ERC1: variants seen among roughly 807,000 people sequenced by gnomAD.
ERC1 encodes RAB6 interacting protein 2.
A neutral mutation model predicts 132.0 loss-of-function variants in ERC1; 56 were observed. The observed-to-expected ratio is 0.42, with a 90% CI of 0.34 to 0.53. The LOEUF is 0.53. Among genes scored for constraint, ERC1 ranks in the 20% least tolerant of loss-of-function variants. The pLI is 0.03. For synonymous variants in ERC1, 478 were observed against 476.1 expected, an observed-to-expected ratio of 1.00 and a Z score of -0.05; for missense variants, 1,202 against 1,349.9, an observed-to-expected ratio of 0.89 and a Z score of 1.72.
intron 13 of ERC1, among the ~76,000 whole-genome samples, chr12:1,249,494 G>T (rs1323344032): frequency 6.6e-6 from 1 of 152,136 alleles, no homozygotes; most frequent in Non-Finnish European, 1.5e-5. Context: ...GTTTGTTTCT[G>T]CATTGATTTG....
chr12:1,301,187 G>C (rs553956420), intron 15 of ERC1, among the ~76,000 whole-genome samples: 1 of 151,732 alleles, frequency 6.6e-6, no homozygotes, highest in African/African-American at 2.4e-5. Context: ...TAGAGACTCC[G>C]AGGGGGTGGG....
At chr12:1,139,419 A>G (rs1949661163) in intron 7 of ERC1, among the ~76,000 whole-genome samples, 2 of 152,182 alleles carry the variant, frequency 1.3e-5, no homozygotes, top group African/African-American at 4.8e-5. Flanking sequence ...GCATATTGTT[A>G]CAATTGTTCT....
At chr12:1,260,304 AT>A (rs1375376484) in intron 13 of ERC1, among the ~76,000 whole-genome samples, 1 of 152,156 alleles carries the variant, frequency 6.6e-6, no homozygotes, top group East Asian at 1.9e-4. Flanking sequence ...GTGTCTTCTG[AT>A]TTGTTGATCT....
intron 17 of ERC1, among the ~76,000 whole-genome samples, chr12:1,438,884 G>C (rs1387705648): frequency 6.6e-6 from 1 of 151,896 alleles, no homozygotes; most frequent in Non-Finnish European, 1.5e-5. Flanking sequence ...TGAGGCTTCA[G>C]TGAGCTGTGA....
chr12:1,104,309 CAG>C (rs902505859), intron 3 of ERC1, among the ~76,000 whole-genome samples: 9 of 152,120 alleles, frequency 5.9e-5, no homozygotes, highest in African/African-American at 1.9e-4. Context: ...GTTGTCAACA[CAG>C]ATTGCTTTCC....
At chr12:1,371,754 T>C (rs1338591232) in intron 15 of ERC1, 79 bp from the exon 16 acceptor site, 1 of 1,467,686 alleles carries the variant, frequency 6.8e-7, no homozygotes, top group Non-Finnish European at 9.1e-7. Context: ...ACCCTCAAAA[T>C]GGGGGTACTG....
chr12:1,003,114 A>AG (rs1962771752), intron 1 of ERC1, among the ~76,000 whole-genome samples: 2 of 131,144 alleles, frequency 1.5e-5, no homozygotes, highest in Non-Finnish European at 3.5e-5. Flanking sequence ...AAAAAAAAAA[A>AG]GACTCAAAAA....
intron 8 of ERC1, among the ~76,000 whole-genome samples, chr12:1,166,730 G>A (rs1162684107): frequency 6.6e-6 from 1 of 152,096 alleles, no homozygotes; most frequent in Non-Finnish European, 1.5e-5. Flanking sequence ...GCATTCCTGG[G>A]TAAAGATAGA....
In ERC1 at chr12:1,040,426, C is replaced by T. The variant is rs1272804566; in HGVS notation, c.669+11854C>T. Reference sequence around the variant, plus strand: ...AGTTCATGTCATTCTCCTGCCTCAGCCTCCCGAGTAGCTGAGACTACAGGC... The same window carrying T: ...AGTTCATGTCATTCTCCTGCCTCAGTCTCCCGAGTAGCTGAGACTACAGGC... On this transcript the variant is annotated intron_variant, in intron 2 of 18. Transcript: ENST00000360905. Among the ~76,000 whole-genome samples the T allele has an allele frequency of 2.0e-5, 3 of 151,388 alleles. No homozygotes were observed. The East Asian group carries it at 5.9e-4, about 30-fold the overall frequency.
At chr12:1,289,699 A>G (rs1477866130) in intron 14 of ERC1, among the ~76,000 whole-genome samples, 153 bp from the exon 15 acceptor site, 1 of 151,560 alleles carries the variant, frequency 6.6e-6, no homozygotes, top group Non-Finnish European at 1.5e-5. Flanking sequence ...CTTGATATAT[A>G]CACACACATA....
chr12:1,379,781 T>C (rs750141248), intron 16 of ERC1, among the ~76,000 whole-genome samples: 12 of 152,130 alleles, frequency 7.9e-5, no homozygotes, highest in Non-Finnish European at 1.6e-4. Context: ...TTGCAGTGTC[T>C]TCCATAACTG....
At chr12:1,142,383 G>T (rs1315286314) in intron 8 of ERC1, among the ~76,000 whole-genome samples, 2 of 152,032 alleles carry the variant, frequency 1.3e-5, no homozygotes, top group African/African-American at 2.4e-5. Flanking sequence ...TTCTACTGAT[G>T]GACATTAATT....
chr12:1,083,448 C>T lies in ERC1; in HGVS notation c.954C>T (p.Ser318=). The T allele has an allele frequency of 6.2e-7, 1 of 1,614,176 alleles. No individual in the cohort carries two copies. The highest frequency in any genetic ancestry group is 8.5e-7 in the Non-Finnish European group (1 of 1,180,026). ...SIKKLLEMLQ[S]KGLSAKATEE... ...AGAAGCTTCTGGAAATGTTGCAGAG[C>T]AAAGGACTTTCTGCCAAGGCTACCG... The change falls in exon 3 of 19, where the codon AGC becomes AGT. Residue 318 remains serine (S), a synonymous_variant. Transcript: ENST00000360905.
At chr12:1,071,109 C>G (rs1218241248) in intron 2 of ERC1, among the ~76,000 whole-genome samples, 3 of 152,140 alleles carry the variant, frequency 2.0e-5, no homozygotes, top group African/African-American at 7.2e-5. Flanking sequence ...TGTTGATGGA[C>G]ATTTGTGTTG....
Position 1,492,663 on chromosome 12 carries a change from T to G in ERC1, c.*2433T>G. ...TGAGAAGAAGCATTTCCGGGACCGA[T>G]ATCATCTGTCTGGTCTCTGTGAACA... On this transcript the variant is annotated 3_prime_UTR_variant, in exon 19 of 19. Coordinates refer to ENST00000360905, the MANE Select transcript of ERC1 (RefSeq NM_178040.4). 4.3e-6 allele frequency: 1 copy of G among 231,984 alleles called. No homozygotes were observed. The highest frequency in any genetic ancestry group is 8.5e-6 in the Non-Finnish European group (1 of 117,242). The allele number at this position is 231,984 out of a possible 1,614,324, so 14.4% of individuals were successfully genotyped here.
chr12:1,225,471 C>T (rs1033337769), intron 12 of ERC1, among the ~76,000 whole-genome samples: 1 of 151,828 alleles, frequency 6.6e-6, no homozygotes, highest in East Asian at 1.9e-4. Flanking sequence ...CACACACACA[C>T]ACACACACAC....
chr12:1,059,766 G>A (rs1973659403), intron 2 of ERC1, among the ~76,000 whole-genome samples: 2 of 152,096 alleles, frequency 1.3e-5, no homozygotes, highest in Non-Finnish European at 2.9e-5. Context: ...TTTTGCATCT[G>A]TGTTCATCAG....
chr12:1,419,122 G>C (rs917330267), intron 17 of ERC1, among the ~76,000 whole-genome samples: 2 of 152,038 alleles, frequency 1.3e-5, no homozygotes, highest in African/African-American at 4.8e-5. Context: ...CATTAACCTA[G>C]CAGTGGATGA....
chr12:1,421,294 G>A (rs553433350), intron 17 of ERC1, among the ~76,000 whole-genome samples: 1 of 152,318 alleles, frequency 6.6e-6, no homozygotes, highest in East Asian at 1.9e-4. Flanking sequence ...TGAGACAGCA[G>A]CATTGCAGTA....
Sources: allele counts gnomAD v4.1 joint callset (sites outside exome capture counted in the v4.1 genomes callset), GRCh38; gene constraint gnomAD v4.1.1; transcripts MANE v1.5; gene names NCBI Gene and HGNC (gene_info 2026-07-23, HGNC 2026-07-21).